Variants in PPP6R2 observed in about 807,000 individuals in gnomAD.
PPP6R2 encodes protein phosphatase 6 regulatory subunit 2.
In PPP6R2, 62 loss-of-function variants were observed where a neutral mutation model predicts 100.2. The observed-to-expected ratio is 0.62, with a 90% CI of 0.50 to 0.76. PPP6R2 has a LOEUF of 0.76. Ranked by LOEUF, PPP6R2 falls within the 30% of genes least tolerant of loss-of-function variation. The pLI is 0.00. For missense variants in PPP6R2, 1,142 were observed against 1,276.3 expected (o/e 0.89, Z 1.60); for synonymous variants, 525 against 514.7 (o/e 1.02, Z -0.27).
chr22:50,365,072 T>A (rs1283846080), intron 1 of PPP6R2, among the ~76,000 whole-genome samples: 1 of 99,152 alleles, frequency 1.0e-5, no homozygotes, highest in South Asian at 4.8e-4. Context: ...TGAGATACTT[T>A]TTTTTTTTTT....
chr22:50,424,500 G>C (rs528142004), intron 10 of PPP6R2, among the ~76,000 whole-genome samples: 1 of 151,144 alleles, frequency 6.6e-6, no homozygotes, highest in African/African-American at 2.4e-5. Context: ...GTCTGTCAGC[G>C]TGTGGAAGGT....
chr22:50,360,430 A>G (rs1209704282), intron 1 of PPP6R2, among the ~76,000 whole-genome samples: 6 of 148,580 alleles, frequency 4.0e-5, no homozygotes, highest in Non-Finnish European at 8.9e-5. Flanking sequence ...ACACATGATC[A>G]TGACTCACTG....
intron 6 of PPP6R2, 21 bp from the exon 7 acceptor site, chr22:50,418,846 G>C: frequency 6.3e-7 from 1 of 1,575,692 alleles, no homozygotes; most frequent in Non-Finnish European, 8.7e-7. Context: ...GAGGGACTCT[G>C]TGTTTCCCTT....
upstream of PPP6R2, among the ~76,000 whole-genome samples, chr22:50,338,714 GGT>G (rs1224602878): frequency 2.6e-4 from 37 of 141,692 alleles, no homozygotes; most frequent in Admixed American, 1.6e-3. Flanking sequence ...TAGGGTGTGT[GGT>G]GTGTGTGTGG....
intron 1 of PPP6R2, among the ~76,000 whole-genome samples, chr22:50,363,658 A>G (rs750690099): frequency 3.3e-5 from 5 of 152,172 alleles, no homozygotes; most frequent in Middle Eastern, 3.2e-3. Flanking sequence ...GAGCCTTTCA[A>G]TCTCTCTCCT....
intron 2 of PPP6R2, among the ~76,000 whole-genome samples, chr22:50,382,836 A>ATTTTTTTT (rs532410577): frequency 2.8e-5 from 4 of 141,278 alleles, no homozygotes; most frequent in Non-Finnish European, 3.1e-5. Flanking sequence ...TTACAAGCAA[A>ATTTTTTTT]TTTTTTTTTT....
intron 4 of PPP6R2, among the ~76,000 whole-genome samples, chr22:50,412,453 G>A (rs2059884006): frequency 6.6e-6 from 1 of 151,868 alleles, no homozygotes; most frequent in Admixed American, 6.6e-5. Flanking sequence ...CAAGTGCCAG[G>A]ATTACAGGCA....
intron 1 of PPP6R2, among the ~76,000 whole-genome samples, chr22:50,358,116 TA>T (rs576064648): frequency 0.02 from 2,891 of 145,782 alleles, 37 homozygotes; most frequent in South Asian, 0.04. Flanking sequence ...CTGGATAATT[TA>T]AAAAAAAAAA....
chr22:50,362,519 G>C (rs1328283173), intron 1 of PPP6R2, among the ~76,000 whole-genome samples: 1 of 152,182 alleles, frequency 6.6e-6, no homozygotes, highest in Non-Finnish European at 1.5e-5. Flanking sequence ...CACGTGCTCT[G>C]CATGGAGGCC....
intron 3 of PPP6R2, among the ~76,000 whole-genome samples, chr22:50,402,344 T>C (rs1477831364): frequency 6.6e-6 from 1 of 151,590 alleles, no homozygotes; most frequent in Non-Finnish European, 1.5e-5. Flanking sequence ...TTTTTTTTTT[T>C]TTACCAAGTT....
At chr22:50,337,380 GGTGTGTGTGTGTA>G in the PPP6R2 span, among the ~76,000 whole-genome samples, 25 of 115,790 alleles carry the variant, frequency 2.2e-4, no homozygotes, top group African/African-American at 7.9e-4. Context: ...CTGTGTGGGG[GGTGTGTGTGTGTA>G]GTGTGTGTGT....
intron 1 of PPP6R2, among the ~76,000 whole-genome samples, chr22:50,359,502 C>T (rs1424858959): frequency 1.3e-5 from 2 of 151,328 alleles, no homozygotes; most frequent in Non-Finnish European, 2.9e-5. Context: ...CAGGCATGAG[C>T]CACCATGCCC....
At chr22:50,386,605 C>T (rs1247067698) in intron 2 of PPP6R2, among the ~76,000 whole-genome samples, 1 of 152,284 alleles carries the variant, frequency 6.6e-6, no homozygotes, top group East Asian at 1.9e-4. Flanking sequence ...TCTTTCTCCT[C>T]TAACAGTCTG....
At chr22:50,396,692 T>A (rs925543253) in intron 3 of PPP6R2, among the ~76,000 whole-genome samples, 4 of 152,166 alleles carry the variant, frequency 2.6e-5, no homozygotes, top group Admixed American at 6.6e-5. Context: ...TTTGCTGGCC[T>A]TTGTCTTAGA....
chr22:50,420,018 C>T (rs1305844101), intron 8 of PPP6R2, among the ~76,000 whole-genome samples: 2 of 152,232 alleles, frequency 1.3e-5, no homozygotes, highest in Admixed American at 1.3e-4. Context: ...GTCATTTCTG[C>T]ACCCACTGTG....
intron 1 of PPP6R2, among the ~76,000 whole-genome samples, chr22:50,350,095 G>A (rs1338978859): frequency 6.6e-6 from 1 of 151,936 alleles, no homozygotes; most frequent in Non-Finnish European, 1.5e-5. Context: ...TCCAGCCTAG[G>A]CAACAGAGCA....
At position 50,393,093 on chromosome 22, in the gene PPP6R2, A is replaced by G. The variant is rs114255127; in HGVS notation, c.-16-800A>G. Among the ~76,000 whole-genome samples, 1,081 of 152,332 alleles carry G rather than the reference A, an allele frequency of 7.1e-3. 17 individuals carry two copies. The highest frequency in any genetic ancestry group is 0.025 in the African/African-American group (1,031 of 41,566). On this transcript the variant is annotated intron_variant, in intron 2 of 23. Coordinates refer to ENST00000612753, the MANE Select transcript of PPP6R2 (RefSeq NM_001242898.2). ...CTAACCAGCCCTGGCCTGCAGAATG[A>G]CATGTGAGACACTAGGAAGGACTGT...
the PPP6R2 span, among the ~76,000 whole-genome samples, chr22:50,331,803 G>A: frequency 6.6e-6 from 1 of 152,004 alleles, no homozygotes; most frequent in Non-Finnish European, 1.5e-5. Flanking sequence ...TGTATTTTTA[G>A]TAGAGACGGG....
At chr22:50,387,974 C>T (rs1165792669) in intron 2 of PPP6R2, among the ~76,000 whole-genome samples, 4 of 152,064 alleles carry the variant, frequency 2.6e-5, no homozygotes, top group Admixed American at 6.6e-5. Context: ...CAGCTCACAC[C>T]GCAGAGCTAG....
Sources: allele counts gnomAD v4.1 joint callset (sites outside exome capture counted in the v4.1 genomes callset), GRCh38; gene constraint gnomAD v4.1.1; transcripts MANE v1.5; gene names NCBI Gene and HGNC (gene_info 2026-07-23, HGNC 2026-07-21).